RARB: variants seen among roughly 807,000 people sequenced by gnomAD.
The protein encoded by RARB is retinoic acid receptor beta.
In RARB, 17 loss-of-function variants were observed where a neutral mutation model predicts 51.9. The observed-to-expected ratio is 0.33, with a 90% CI of 0.22 to 0.49. The LOEUF (loss-of-function observed/expected upper bound fraction) is 0.49. Ranked by LOEUF, RARB falls within the 20% of genes least tolerant of loss-of-function variation. The pLI, the probability that RARB is intolerant of heterozygous loss-of-function variation, is 0.99. For missense variants in RARB, 369 were observed against 550.8 expected (o/e 0.67, Z 3.30); for synonymous variants, 215 against 195.4 (o/e 1.10, Z -0.84).
intron 5 of RARB, among the ~76,000 whole-genome samples, chr3:25,221,473 C>G (rs1311182148): frequency 6.6e-6 from 1 of 152,160 alleles, no homozygotes; most frequent in Non-Finnish European, 1.5e-5. Context: ...AGTGATTATT[C>G]TTAGAAGTTT....
At chr3:25,156,333 A>G (rs1700373267) in intron 4 of RARB, among the ~76,000 whole-genome samples, 1 of 152,162 alleles carries the variant, frequency 6.6e-6, no homozygotes. Flanking sequence ...ATGTGCTAAT[A>G]GTTGTGGAAT....
intron 3 of RARB, among the ~76,000 whole-genome samples, chr3:25,068,403 T>A (rs1049843768): frequency 2.6e-4 from 40 of 152,098 alleles, no homozygotes; most frequent in Admixed American, 2.2e-3. Context: ...TGACAAGATA[T>A]TTGAAAGATA....
At chr3:25,581,781 T>C (rs1007654829) in intron 5 of RARB, among the ~76,000 whole-genome samples, 10 of 152,044 alleles carry the variant, frequency 6.6e-5, no homozygotes, top group African/African-American at 2.2e-4. Context: ...CCCTTTCTCT[T>C]TCTTGTGAGG....
intron 5 of RARB, among the ~76,000 whole-genome samples, chr3:25,302,345 A>G (rs917001672): frequency 1.3e-5 from 2 of 152,242 alleles, no homozygotes; most frequent in Admixed American, 6.5e-5. Flanking sequence ...AGCATTATTC[A>G]TGATTGTAAA....
chr3:25,154,291 A>G (rs545906097), intron 4 of RARB, among the ~76,000 whole-genome samples: 1 of 152,192 alleles, frequency 6.6e-6, no homozygotes, highest in African/African-American at 2.4e-5. Context: ...GCTCCATCCG[A>G]GTTCCTTAGC....
intron 3 of RARB, among the ~76,000 whole-genome samples, chr3:25,079,237 A>G (rs1406482178): frequency 6.6e-6 from 1 of 152,120 alleles, no homozygotes; most frequent in Non-Finnish European, 1.5e-5. Context: ...GTATCCTTCT[A>G]CCTTGCTAAA....
At chr3:25,449,707 C>G (rs562995001) in intron 1 of RARB, among the ~76,000 whole-genome samples, 1 of 151,918 alleles carries the variant, frequency 6.6e-6, no homozygotes, top group Non-Finnish European at 1.5e-5. Flanking sequence ...TTCTTCTTGC[C>G]TGTCAAAAAG....
At chr3:25,024,227 T>G (rs375322515) in intron 2 of RARB, among the ~76,000 whole-genome samples, 42 of 152,206 alleles carry the variant, frequency 2.8e-4, no homozygotes, top group African/African-American at 1.0e-3. Flanking sequence ...AAACTTTAGA[T>G]CTGTCTTTTC....
intron 5 of RARB, among the ~76,000 whole-genome samples, chr3:25,337,278 C>G (rs1357399199): frequency 3.3e-5 from 5 of 152,110 alleles, no homozygotes. Flanking sequence ...TTCCATGGAT[C>G]AACAATAATT....
intron 5 of RARB, among the ~76,000 whole-genome samples, chr3:25,185,456 A>C (rs1339456327): frequency 1.3e-5 from 2 of 152,078 alleles, no homozygotes; most frequent in Non-Finnish European, 2.9e-5. Context: ...AATAATGAAC[A>C]CTTTCTAACA....
intron 3 of RARB, among the ~76,000 whole-genome samples, chr3:25,533,792 G>A (rs1035704347): frequency 6.6e-6 from 1 of 152,158 alleles, no homozygotes; most frequent in Admixed American, 6.5e-5. Context: ...GTATAAATAA[G>A]TTTTAAATTA....
At chr3:24,918,515 A>G (rs1427928346) in intron 2 of RARB, among the ~76,000 whole-genome samples, 1 of 152,224 alleles carries the variant, frequency 6.6e-6, no homozygotes, top group Non-Finnish European at 1.5e-5. Flanking sequence ...AAAAACCATT[A>G]AATTATACAC....
chr3:25,248,062 G>A (rs1025000143), intron 5 of RARB, among the ~76,000 whole-genome samples: 22 of 152,158 alleles, frequency 1.4e-4, no homozygotes, highest in East Asian at 3.9e-4. Context: ...CTCTGGTGTC[G>A]GATGAATATA....
At chr3:25,422,607 T>A (rs1164454762) in intron 5 of RARB, among the ~76,000 whole-genome samples, 1 of 152,032 alleles carries the variant, frequency 6.6e-6, no homozygotes, top group Admixed American at 6.6e-5. Context: ...CAAAACTCCT[T>A]CTTATGGAAG....
chr3:24,852,128 T>C (rs1702567756), intron 1 of RARB, among the ~76,000 whole-genome samples: 1 of 152,218 alleles, frequency 6.6e-6, no homozygotes, highest in East Asian at 1.9e-4. Flanking sequence ...ATAGATGATA[T>C]CTCATTTTGT....
intron 5 of RARB, among the ~76,000 whole-genome samples, chr3:25,295,602 G>A (rs1575291276): frequency 6.6e-6 from 1 of 152,150 alleles, no homozygotes; most frequent in African/African-American, 2.4e-5. Flanking sequence ...AAGAGTCCCA[G>A]CCTCATGACA....
intron 2 of RARB, among the ~76,000 whole-genome samples, chr3:25,044,931 A>C (rs1031406733): frequency 6.6e-6 from 1 of 152,150 alleles, no homozygotes; most frequent in African/African-American, 2.4e-5. Context: ...TTTATATCTG[A>C]CAGTTTATAG....
chr3:24,932,882 C>G (rs1448151692), intron 2 of RARB, among the ~76,000 whole-genome samples: 3 of 151,950 alleles, frequency 2.0e-5, no homozygotes, highest in Non-Finnish European at 4.4e-5. Flanking sequence ...TTTTCCTGCT[C>G]AGAAAGTAAT....
At chr3:25,348,778 G>T (rs1179754472) in intron 5 of RARB, among the ~76,000 whole-genome samples, 1 of 152,180 alleles carries the variant, frequency 6.6e-6, no homozygotes, top group Non-Finnish European at 1.5e-5. Flanking sequence ...ACATTTAGTG[G>T]TTCCCAAACT....
Sources: gnomAD v4.1 joint callset for allele counts (sites outside exome capture counted in the v4.1 genomes callset) on GRCh38, gnomAD v4.1.1 for gene constraint, MANE v1.5 for transcripts, NCBI Gene and HGNC (gene_info 2026-07-23, HGNC 2026-07-21) for gene names.